Variants in DCC observed in about 807,000 individuals in gnomAD.
DCC encodes the protein DCC netrin 1 receptor.
A neutral mutation model predicts 172.5 loss-of-function variants in DCC; 58 were observed. The observed-to-expected ratio is 0.34, with a 90% CI of 0.27 to 0.42. The LOEUF (loss-of-function observed/expected upper bound fraction) is 0.42. Ranked by LOEUF, DCC falls within the 10% of genes least tolerant of loss-of-function variation. The pLI is 1.00. For synonymous variants in DCC, 709 were observed against 644.5 expected (o/e 1.10, Z -1.52); for missense variants, 1,740 against 1,791.0 (o/e 0.97, Z 0.51).
At chr18:53,276,126 C>T (rs1386619039) in intron 12 of DCC, among the ~76,000 whole-genome samples, 3 of 152,004 alleles carry the variant, frequency 2.0e-5, no homozygotes, top group Non-Finnish European at 2.9e-5. Context: ...GGCTAATATC[C>T]ATTAACAGTA....
intron 1 of DCC, among the ~76,000 whole-genome samples, chr18:52,720,406 G>A (rs2036454952): frequency 6.6e-6 from 1 of 152,142 alleles, no homozygotes; most frequent in Non-Finnish European, 1.5e-5. Flanking sequence ...ATATGCAGAT[G>A]AGCATGTGCT....
intron 2 of DCC, among the ~76,000 whole-genome samples, chr18:52,753,483 T>C (rs898112432): frequency 6.6e-6 from 1 of 152,234 alleles, no homozygotes; most frequent in Non-Finnish European, 1.5e-5. Flanking sequence ...CTAATTTTAC[T>C]TTACAGCTTC....
chr18:52,371,636 C>A (rs1028083115), intron 1 of DCC, among the ~76,000 whole-genome samples: 1 of 152,154 alleles, frequency 6.6e-6, no homozygotes, highest in African/African-American at 2.4e-5. Flanking sequence ...CTTCCCCTCC[C>A]GCCTGCTTCT....
chr18:52,846,188 C>T (rs562738276), intron 2 of DCC, among the ~76,000 whole-genome samples: 3 of 152,228 alleles, frequency 2.0e-5, no homozygotes, highest in South Asian at 2.1e-4. Context: ...TAAATTTCTC[C>T]TTATGGGCTA....
chr18:53,260,265 G>C, intron 12 of DCC, among the ~76,000 whole-genome samples: 1 of 152,160 alleles, frequency 6.6e-6, no homozygotes, highest in Non-Finnish European at 1.5e-5. Context: ...TTCCTTTAGA[G>C]GAGGAGAGGC....
chr18:53,017,586 A>G (rs1256096750), intron 5 of DCC, among the ~76,000 whole-genome samples: 1 of 152,188 alleles, frequency 6.6e-6, no homozygotes, highest in Non-Finnish European at 1.5e-5. Flanking sequence ...ACTGGGATTT[A>G]TATTCATGAT....
intron 12 of DCC, among the ~76,000 whole-genome samples, chr18:53,282,199 C>T (rs2056880628): frequency 6.6e-6 from 1 of 152,074 alleles, no homozygotes; most frequent in Non-Finnish European, 1.5e-5. Flanking sequence ...TTTATTCCCA[C>T]TTTAAAAGCA....
At chr18:52,384,925 T>C (rs1054046971) in intron 1 of DCC, among the ~76,000 whole-genome samples, 3 of 152,172 alleles carry the variant, frequency 2.0e-5, no homozygotes, top group Non-Finnish European at 2.9e-5. Context: ...AGCCAGTGTT[T>C]ATAAAAACAT....
At chr18:53,300,963 T>C (rs1037426471) in intron 12 of DCC, among the ~76,000 whole-genome samples, 7 of 109,524 alleles carry the variant, frequency 6.4e-5, no homozygotes, top group African/African-American at 3.3e-4. Flanking sequence ...TCTGGATTCA[T>C]TCTTTCTTTC....
intron 1 of DCC, among the ~76,000 whole-genome samples, chr18:52,447,451 A>G (rs138774987): frequency 1.1e-3 from 164 of 152,340 alleles, no homozygotes; most frequent in African/African-American, 3.8e-3. Flanking sequence ...GTTGAGAAAC[A>G]TGGGACAGAA....
chr18:53,028,950 T>G (rs533413683), intron 5 of DCC, among the ~76,000 whole-genome samples: 5 of 152,174 alleles, frequency 3.3e-5, no homozygotes, highest in Admixed American at 6.5e-5. Flanking sequence ...CTTTTTCCAT[T>G]TGAGCTATAG....
intron 2 of DCC, among the ~76,000 whole-genome samples, chr18:52,817,751 A>AT (rs995909728): frequency 6.6e-6 from 1 of 152,018 alleles, no homozygotes; most frequent in Non-Finnish European, 1.5e-5. Flanking sequence ...AAACTTGGAT[A>AT]TTTTCTTTAG....
rs2145037377 is a variant in DCC, at chr18:53,402,847, C to A, written c.2889C>A (p.Val963=). Residue 963 remains valine, a synonymous_variant, in exon 19 of 29, where the codon GTC becomes GTA. Coordinates refer to ENST00000442544, the MANE Select transcript of DCC (RefSeq NM_005215.4). The part of the protein sequence containing the change: ...VITREGKPRA[V]IVSWQPPLEA... ...CTAGGGAAGGGAAGCCTCGTGCCGT[C>A]ATTGTGAGTTGGCAGCCTCCCTTGG... 1 of 1,614,088 alleles carries A rather than the reference C, an allele frequency of 6.2e-7. No homozygotes were observed. The highest frequency in any genetic ancestry group is 8.5e-7 in the Non-Finnish European group (1 of 1,179,984).
At chr18:52,744,649 T>C (rs1395058494) in intron 1 of DCC, among the ~76,000 whole-genome samples, 1 of 152,206 alleles carries the variant, frequency 6.6e-6, no homozygotes, top group Non-Finnish European at 1.5e-5. Flanking sequence ...CCAATAGTCA[T>C]AGGTGCTGGT....
chr18:52,914,678 A>G (rs1333775730), intron 3 of DCC, among the ~76,000 whole-genome samples: 2 of 151,926 alleles, frequency 1.3e-5, no homozygotes, highest in African/African-American at 4.8e-5. Flanking sequence ...GTTTCATGGA[A>G]TTTTTCACTC....
intron 1 of DCC, among the ~76,000 whole-genome samples, chr18:52,516,817 A>G (rs2031658595): frequency 6.6e-6 from 1 of 152,188 alleles, no homozygotes. Context: ...TTACCTTGTT[A>G]AGAATTCATT....
intron 1 of DCC, among the ~76,000 whole-genome samples, chr18:52,488,484 C>G (rs2030339639): frequency 6.6e-6 from 1 of 151,974 alleles, no homozygotes; most frequent in African/African-American, 2.4e-5. Flanking sequence ...GTGGATTGAG[C>G]ACTTGCATTA....
intron 9 of DCC, among the ~76,000 whole-genome samples, chr18:53,183,501 A>T (rs2055230148): frequency 6.6e-6 from 1 of 152,110 alleles, no homozygotes; most frequent in Non-Finnish European, 1.5e-5. Context: ...GTCCTTTAAG[A>T]TCCTGTTAAG....
chr18:53,421,986 C>T (rs1328120624), intron 21 of DCC, among the ~76,000 whole-genome samples: 1 of 152,184 alleles, frequency 6.6e-6, no homozygotes, highest in East Asian at 1.9e-4. Flanking sequence ...TGCCCAAACA[C>T]TCACAGTATG....
Sources: allele counts gnomAD v4.1 joint callset (sites outside exome capture counted in the v4.1 genomes callset), GRCh38; gene constraint gnomAD v4.1.1; transcripts MANE v1.5; gene names NCBI Gene and HGNC (gene_info 2026-07-23, HGNC 2026-07-21).